The following TMEM45B variants were observed in gnomAD, a reference collection of about 807,000 sequenced individuals.
The protein encoded by TMEM45B is transmembrane protein 45B.
In TMEM45B, 29 loss-of-function variants were observed where a neutral mutation model predicts 27.3. The ratio of observed to expected loss-of-function variants is 1.06; its 90% CI spans 0.79 to 1.45. The LOEUF (loss-of-function observed/expected upper bound fraction) is 1.45. Among genes scored for constraint, TMEM45B ranks in the 40% most tolerant of loss-of-function variants. TMEM45B has a pLI of 0.00. For synonymous variants in TMEM45B, 143 were observed against 134.7 expected (o/e 1.06, Z -0.43); for missense variants, 348 against 343.9 (o/e 1.01, Z -0.09).
chr11:129,818,195 T>C (rs1192272232), intron 1 of TMEM45B, among the ~76,000 whole-genome samples: 2 of 152,318 alleles, frequency 1.3e-5, no homozygotes, highest in East Asian at 1.9e-4. Flanking sequence ...CAAACACAAA[T>C]AGACTATTTG....
At chr11:129,831,825 T>C (rs1336336191) in intron 1 of TMEM45B, among the ~76,000 whole-genome samples, 2 of 151,974 alleles carry the variant, frequency 1.3e-5, no homozygotes, top group African/African-American at 2.4e-5. Flanking sequence ...CCCAGCACTT[T>C]GGGAGGCCGA....
At chr11:129,837,584 G>GATTTTTTTTTTT (rs1387294363) in intron 1 of TMEM45B, among the ~76,000 whole-genome samples, 1 of 34,954 alleles carries the variant, frequency 2.9e-5, no homozygotes, top group African/African-American at 7.1e-5. Context: ...ACTGCACTGG[G>GATTTTTTTTTTT]CTTTTTTTTT....
intron 1 of TMEM45B, among the ~76,000 whole-genome samples, chr11:129,834,620 G>A (rs1245907454): frequency 6.6e-6 from 1 of 152,060 alleles, no homozygotes; most frequent in South Asian, 2.1e-4. Context: ...AGACCAGCCT[G>A]GCCAACATGG....
At chr11:129,816,930 T>C (rs147283292) in intron 1 of TMEM45B, among the ~76,000 whole-genome samples, 1 of 149,784 alleles carries the variant, frequency 6.7e-6, no homozygotes, top group Admixed American at 6.7e-5. Flanking sequence ...TTTTTTTTGG[T>C]AGAGACGGGG....
At chr11:129,818,880 C>T (rs1947383049) in intron 1 of TMEM45B, among the ~76,000 whole-genome samples, 3 of 152,124 alleles carry the variant, frequency 2.0e-5, no homozygotes, top group Admixed American at 6.6e-5. Context: ...ATGTTGCTTC[C>T]CCAAATCTAC....
intron 1 of TMEM45B, among the ~76,000 whole-genome samples, chr11:129,848,634 C>T (rs189333679): frequency 2.8e-4 from 43 of 152,264 alleles, no homozygotes; most frequent in African/African-American, 9.9e-4. Context: ...GGCCTGTGTC[C>T]AGGGTTGGAA....
At position 129,852,550 on chromosome 11, in the gene TMEM45B, T is replaced by A. The variant is rs752269867; in HGVS notation, c.68T>A (p.Val23Glu). ...CTGATCATTGGGCTGTGTTGGTCAGTGAAGTACCCGCTGAAGTACTTTAGC... is the reference window on the plus strand; with the variant it reads ...CTGATCATTGGGCTGTGTTGGTCAGAGAAGTACCCGCTGAAGTACTTTAGC... The part of the protein sequence containing the change: ...FFLIIGLCWS[V>E]KYPLKYFSHT... The change falls in exon 2 of 6, where the codon GTG becomes GAG. Residue 23 changes from valine to glutamate, a missense_variant. Physicochemically the swap from Val to Glu is moderately radical, Grantham distance 121 (BLOSUM62 -2). Transcript: ENST00000281441. The A allele has an allele frequency of 5.1e-5, 83 of 1,613,808 alleles. No homozygotes were observed. The highest frequency in any genetic ancestry group is 6.9e-5 in the Non-Finnish European group (81 of 1,179,852).
chr11:129,858,428 A>C, intron 5 of TMEM45B, 146 bp from the exon 6 acceptor site: 1 of 527,516 alleles, frequency 1.9e-6, no homozygotes, highest in African/African-American at 1.9e-5. Context: ...AATATTTCCT[A>C]AGAAGTCTAG....
chr11:129,846,687 C>G (rs1420489119), intron 1 of TMEM45B, among the ~76,000 whole-genome samples: 4 of 152,144 alleles, frequency 2.6e-5, no homozygotes, highest in African/African-American at 9.7e-5. Context: ...TCTGCAATAT[C>G]AGATGGTGAT....
Position 129,858,769 on chromosome 11 carries a change from T to C in TMEM45B, c.*84T>C. On this transcript the variant is annotated 3_prime_UTR_variant, in exon 6 of 6. Transcript: ENST00000281441. ...CCCTCCACCTGAATGCCTGCTGTGG[T>C]CTGATCTTAAGGGTCTATATATTTG... 9.7e-7 allele frequency: 1 copy of C among 1,034,720 alleles called. No individual in the cohort carries two copies. Among genetic ancestry groups the C allele is most frequent in the Non-Finnish European group, 1.4e-6 (1 of 698,948 alleles). 64.1% of individuals were successfully genotyped at this position (1,034,720 alleles called of 1,614,324 possible).
intron 1 of TMEM45B, among the ~76,000 whole-genome samples, chr11:129,835,227 A>C (rs1947606062): frequency 6.6e-6 from 1 of 152,254 alleles, no homozygotes; most frequent in Non-Finnish European, 1.5e-5. Context: ...TTCTACAAAA[A>C]GTGTGAAAGC....
At chr11:129,839,352 A>G (rs1947662654) in intron 1 of TMEM45B, among the ~76,000 whole-genome samples, 1 of 152,166 alleles carries the variant, frequency 6.6e-6, no homozygotes, top group African/African-American at 2.4e-5. Flanking sequence ...CCGAGTGGAA[A>G]AGCTATGCAT....
intron 2 of TMEM45B, among the ~76,000 whole-genome samples, chr11:129,853,962 T>C (rs1169830870): frequency 6.6e-6 from 1 of 152,208 alleles, no homozygotes; most frequent in Non-Finnish European, 1.5e-5. Context: ...CTAAGAGCTA[T>C]CCTGTGTCGC....
At chr11:129,844,201 G>C (rs1387831979) in intron 1 of TMEM45B, among the ~76,000 whole-genome samples, 2 of 152,154 alleles carry the variant, frequency 1.3e-5, no homozygotes, top group Non-Finnish European at 2.9e-5. Flanking sequence ...GCCAGACACA[G>C]AAAAAATGCT....
At chr11:129,834,916 T>C (rs1213724133) in intron 1 of TMEM45B, among the ~76,000 whole-genome samples, 3 of 152,136 alleles carry the variant, frequency 2.0e-5, no homozygotes, top group Admixed American at 6.5e-5. Context: ...AACGTACTTC[T>C]GGTGAGATCT....
At chr11:129,826,567 A>AAAGAAAGAAAAAT (rs1199881268) in intron 1 of TMEM45B, among the ~76,000 whole-genome samples, 8 of 96,122 alleles carry the variant, frequency 8.3e-5, no homozygotes, top group South Asian at 3.8e-4. Context: ...AAAAAAAAAA[A>AAAGAAAGAAAAAT]AGGACCCTGA....
Position 129,855,751 on chromosome 11 carries a change from C to G in TMEM45B, c.429C>G (p.Asp143Glu). ...ACGTCCACAACCGGCCTCCGCTGGA[C>G]CAGCACATCCACTCACTCCTGCTGT... ...YYHVHNRPPL[D>E]QHIHSLLLYA... is the part of the protein sequence containing the mutation. Residue 143 changes from aspartate (D) to glutamate (E), a missense_variant, in exon 4 of 6, where the codon GAC becomes GAG. Transcript: ENST00000281441. 1 of 1,614,144 alleles carries G rather than the reference C, an allele frequency of 6.2e-7. No individual in the cohort carries two copies. Among genetic ancestry groups the G allele is most frequent in the Non-Finnish European group, 8.5e-7 (1 of 1,180,026 alleles).
At chr11:129,817,849 C>G (rs1347016707) in intron 1 of TMEM45B, among the ~76,000 whole-genome samples, 1 of 152,222 alleles carries the variant, frequency 6.6e-6, no homozygotes, top group Admixed American at 6.5e-5. Context: ...AAGATTATCT[C>G]TTTTCCTCAA....
intron 2 of TMEM45B, among the ~76,000 whole-genome samples, chr11:129,853,223 C>A (rs572720423): frequency 6.6e-6 from 1 of 152,200 alleles, no homozygotes; most frequent in Non-Finnish European, 1.5e-5. Context: ...AAGATCCACC[C>A]ACTCCCACTG....
Sources: allele counts gnomAD v4.1 joint callset (sites outside exome capture counted in the v4.1 genomes callset), GRCh38; gene constraint gnomAD v4.1.1; transcripts MANE v1.5; gene names NCBI Gene and HGNC (gene_info 2026-07-23, HGNC 2026-07-21).